Variants in AIG1 observed in about 807,000 individuals in gnomAD.
AIG1 encodes the protein androgen-induced gene 1 protein.
Under a neutral mutation model 31.4 loss-of-function variants are expected in AIG1, and 23 were observed. The ratio of observed to expected loss-of-function variants is 0.73; its 90% confidence interval spans 0.53 to 1.04. The LOEUF (loss-of-function observed/expected upper bound fraction) is 1.04. Among genes scored for constraint, AIG1 ranks in the 50% least tolerant of loss-of-function variants. The pLI, the probability that AIG1 is intolerant of heterozygous loss-of-function variation, is 0.00. For missense variants in AIG1, 274 were observed against 295.0 expected (o/e 0.93, Z 0.52); for synonymous variants, 100 against 110.5 (o/e 0.90, Z 0.60).
At chr6:143,104,440 A>G (rs1322930809) in intron 1 of AIG1, among the ~76,000 whole-genome samples, 1 of 152,180 alleles carries the variant, frequency 6.6e-6, no homozygotes. Flanking sequence ...TAAAGATGCC[A>G]TCTGTGCAGA....
intron 1 of AIG1, among the ~76,000 whole-genome samples, chr6:143,135,282 G>A (rs929403584): frequency 1.3e-5 from 2 of 152,002 alleles, no homozygotes; most frequent in African/African-American, 4.8e-5. Context: ...GGTCACTCCA[G>A]TTTAATCAAA....
intron 4 of AIG1, among the ~76,000 whole-genome samples, chr6:143,317,146 C>T (rs1227640513): frequency 2.6e-5 from 4 of 152,062 alleles, no homozygotes; most frequent in Non-Finnish European, 5.9e-5. Flanking sequence ...GGAGTCCTCC[C>T]TAAGTCATTC....
intron 1 of AIG1, among the ~76,000 whole-genome samples, chr6:143,125,620 G>A (rs1227189090): frequency 6.6e-6 from 1 of 152,210 alleles, no homozygotes. Context: ...TTGCAGATTA[G>A]AATGGAGTCT....
At chr6:143,305,642 C>T (rs1799213836) in intron 4 of AIG1, among the ~76,000 whole-genome samples, 1 of 152,080 alleles carries the variant, frequency 6.6e-6, no homozygotes, top group Non-Finnish European at 1.5e-5. Flanking sequence ...GCTTTACTTC[C>T]AACTATGTGG....
chr6:143,215,574 C>T (rs2128619324), intron 3 of AIG1, among the ~76,000 whole-genome samples: 2 of 152,306 alleles, frequency 1.3e-5, no homozygotes, highest in East Asian at 3.9e-4. Context: ...AGGAGGAGCC[C>T]TCCTTCACCA....
chr6:143,270,896 T>C (rs1796476316), intron 3 of AIG1, among the ~76,000 whole-genome samples: 1 of 152,190 alleles, frequency 6.6e-6, no homozygotes, highest in Non-Finnish European at 1.5e-5. Context: ...CATGAATCTG[T>C]ACTAGTATAT....
upstream of AIG1, among the ~76,000 whole-genome samples, chr6:143,060,081 C>A (rs187417854): frequency 1.3e-5 from 2 of 152,312 alleles, no homozygotes; most frequent in African/African-American, 4.8e-5. Flanking sequence ...AATCTTGTGG[C>A]AGAAAGTTAT....
intron 1 of AIG1, among the ~76,000 whole-genome samples, chr6:143,075,984 C>T (rs755272157): frequency 4.6e-5 from 7 of 152,126 alleles, no homozygotes; most frequent in African/African-American, 7.2e-5. Context: ...GGTTTTATGG[C>T]TGAGAATATG....
intron 4 of AIG1, among the ~76,000 whole-genome samples, chr6:143,308,797 C>T (rs1370550983): frequency 6.6e-6 from 1 of 152,126 alleles, no homozygotes; most frequent in Non-Finnish European, 1.5e-5. Flanking sequence ...ATGAGTACGC[C>T]TTTAGTGCCT....
chr6:143,118,731 A>G (rs1204159875), intron 1 of AIG1, among the ~76,000 whole-genome samples: 4 of 152,212 alleles, frequency 2.6e-5, no homozygotes. Context: ...TATGACTGAT[A>G]GTGCTAATAA....
chr6:143,139,147 G>A (rs1251177271), intron 2 of AIG1, among the ~76,000 whole-genome samples: 4 of 152,110 alleles, frequency 2.6e-5, no homozygotes, highest in Non-Finnish European at 5.9e-5. Flanking sequence ...GTTATCCCAT[G>A]TATGTTTCAT....
At chr6:143,249,259 T>C (rs1359724560) in intron 3 of AIG1, among the ~76,000 whole-genome samples, 1 of 152,232 alleles carries the variant, frequency 6.6e-6, no homozygotes, top group Non-Finnish European at 1.5e-5. Context: ...TTTGAAGCTC[T>C]TTCCTCAATA....
chr6:143,063,771 G>A (rs1018286296), intron 1 of AIG1, among the ~76,000 whole-genome samples: 2 of 152,158 alleles, frequency 1.3e-5, no homozygotes, highest in Non-Finnish European at 2.9e-5. Flanking sequence ...AGCCACAGTT[G>A]GATTCCATAT....
At chr6:143,167,767 G>A (rs1237053182) in intron 3 of AIG1, among the ~76,000 whole-genome samples, 3 of 152,130 alleles carry the variant, frequency 2.0e-5, no homozygotes, top group Non-Finnish European at 4.4e-5. Context: ...AGATAAATTA[G>A]TTAATATGTC....
intron 1 of AIG1, among the ~76,000 whole-genome samples, chr6:143,072,918 A>G (rs1342295643): frequency 6.6e-6 from 1 of 152,216 alleles, no homozygotes; most frequent in Non-Finnish European, 1.5e-5. Flanking sequence ...TGAATCCCAG[A>G]TACAGTACAA....
At chr6:143,194,315 AACTC>A (rs926238035) in intron 3 of AIG1, among the ~76,000 whole-genome samples, 1 of 152,142 alleles carries the variant, frequency 6.6e-6, no homozygotes, top group African/African-American at 2.4e-5. Flanking sequence ...ATCTCATGAG[AACTC>A]ACTCACTATC....
chr6:143,300,448 C>T (rs1798746069), intron 4 of AIG1, among the ~76,000 whole-genome samples: 1 of 152,148 alleles, frequency 6.6e-6, no homozygotes, highest in Non-Finnish European at 1.5e-5. Flanking sequence ...AGTCTATTTA[C>T]CCAGTTGCAC....
At chr6:143,272,130 A>G (rs1014594003) in intron 3 of AIG1, among the ~76,000 whole-genome samples, 3 of 152,152 alleles carry the variant, frequency 2.0e-5, no homozygotes, top group African/African-American at 7.2e-5. Flanking sequence ...CTATTTGATT[A>G]TACTGAGATA....
intron 3 of AIG1, among the ~76,000 whole-genome samples, chr6:143,171,922 G>T (rs879789754): frequency 2.6e-5 from 4 of 151,780 alleles, no homozygotes; most frequent in African/African-American, 9.7e-5. Flanking sequence ...TGCATTTCCC[G>T]GATTATTAGT....
Sources: gnomAD v4.1 joint callset for allele counts (sites outside exome capture counted in the v4.1 genomes callset) on GRCh38, gnomAD v4.1.1 for gene constraint, MANE v1.5 for transcripts, NCBI Gene and HGNC (gene_info 2026-07-23, HGNC 2026-07-21) for gene names.